Variants in GRIP1 observed in about 807,000 individuals in gnomAD.
GRIP1 encodes the protein glutamate receptor-interacting protein 1.
Under a neutral mutation model 129.9 loss-of-function variants are expected in GRIP1, and 45 were observed. The observed-to-expected ratio is 0.35, with a 90% confidence interval of 0.27 to 0.44. GRIP1 has a LOEUF of 0.44. GRIP1 is among the 20% of genes least tolerant of loss of function. The pLI is 1.00. For missense variants in GRIP1, 1,196 were observed against 1,396.8 expected, an observed-to-expected ratio of 0.86 and a Z score of 2.29; for synonymous variants, 530 against 520.8, an observed-to-expected ratio of 1.02 and a Z score of -0.24.
chr12:66,836,959 A>G (rs568103309), intron 1 of GRIP1, among the ~76,000 whole-genome samples: 44 of 152,300 alleles, frequency 2.9e-4, no homozygotes, highest in South Asian at 1.0e-3. Flanking sequence ...CCCTCTTCAA[A>G]GCTTGTCTTT....
chr12:66,483,424 T>G lies in GRIP1; in HGVS notation c.725-18002A>C, dbSNP rs943589811. On this transcript the variant is annotated intron_variant, in intron 7 of 24. Coordinates refer to ENST00000359742, the MANE Select transcript of GRIP1 (RefSeq NM_001366722.1). ...AATAAGCTTCGTCTTAAATCCTAAC[T>G]TTTCCCCAGGGAGTTAAAGGAGACA... Among the ~76,000 whole-genome samples, 3 of 152,208 alleles carry G rather than the reference T, an allele frequency of 2.0e-5. No individual in the cohort carries two copies. In the South Asian group the frequency reaches 6.2e-4, roughly 32 times the overall value.
At chr12:66,619,154 A>G (rs2065163364) in intron 1 of GRIP1, among the ~76,000 whole-genome samples, 1 of 152,164 alleles carries the variant, frequency 6.6e-6, no homozygotes, top group East Asian at 1.9e-4. Flanking sequence ...AAACTAGAAC[A>G]TATACATTAA....
intron 1 of GRIP1, among the ~76,000 whole-genome samples, chr12:66,862,879 C>T (rs1392656447): frequency 2.6e-5 from 4 of 151,982 alleles, no homozygotes; most frequent in Non-Finnish European, 5.9e-5. Context: ...CAATGTGCTG[C>T]AGTTTCAGGG....
At chr12:66,837,058 T>A (rs539634854) in intron 1 of GRIP1, among the ~76,000 whole-genome samples, 31 of 152,378 alleles carry the variant, frequency 2.0e-4, no homozygotes, top group Admixed American at 2.6e-4. Context: ...ATTTTCATTA[T>A]GCACTGAGTC....
chr12:66,531,007 C>T (rs888514046), intron 4 of GRIP1, among the ~76,000 whole-genome samples: 1 of 151,522 alleles, frequency 6.6e-6, no homozygotes, highest in Admixed American at 6.6e-5. Flanking sequence ...GATGCCAAGG[C>T]GGGTGGATCA....
chr12:66,800,686 G>A (rs374145913), intron 1 of GRIP1, among the ~76,000 whole-genome samples: 2 of 151,924 alleles, frequency 1.3e-5, no homozygotes, highest in African/African-American at 2.4e-5. Flanking sequence ...AGTATTTAGC[G>A]AAAAACAAAA....
upstream of GRIP1, among the ~76,000 whole-genome samples, chr12:66,804,982 T>C (rs2038960185): frequency 2.0e-5 from 3 of 152,150 alleles, no homozygotes; most frequent in Admixed American, 2.0e-4. Flanking sequence ...TTCCAATCAC[T>C]GTTTGATTTA....
chr12:67,025,681 A>G (rs1055346846), intron 1 of GRIP1, among the ~76,000 whole-genome samples: 1 of 152,082 alleles, frequency 6.6e-6, no homozygotes, highest in Non-Finnish European at 1.5e-5. Context: ...TTAACTCGCA[A>G]TTCCTACACC....
chr12:66,562,008 T>G (rs1013249168), intron 2 of GRIP1, among the ~76,000 whole-genome samples: 1 of 151,952 alleles, frequency 6.6e-6, no homozygotes, highest in Non-Finnish European at 1.5e-5. Context: ...GTGGGGGTGT[T>G]GAGGTGAGAG....
chr12:67,024,489 T>C (rs61918831), intron 1 of GRIP1, among the ~76,000 whole-genome samples: 43,866 of 152,018 alleles, frequency 0.29, 7,294 homozygotes, highest in Non-Finnish European at 0.37. Context: ...ATGTCTGAAA[T>C]AGGACTTACT....
intron 1 of GRIP1, among the ~76,000 whole-genome samples, chr12:66,889,724 T>G (rs1268656218): frequency 6.6e-6 from 1 of 152,216 alleles, no homozygotes; most frequent in African/African-American, 2.4e-5. Flanking sequence ...AAGGCTTAAA[T>G]GTGTAACACA....
At chr12:66,500,971 G>A (rs2060376454) in intron 7 of GRIP1, among the ~76,000 whole-genome samples, 1 of 152,158 alleles carries the variant, frequency 6.6e-6, no homozygotes, top group Admixed American at 6.5e-5. Context: ...TAAACCAGAG[G>A]GTCCTTACCA....
intron 1 of GRIP1, among the ~76,000 whole-genome samples, chr12:66,822,813 G>A (rs2039344185): frequency 6.6e-6 from 1 of 152,008 alleles, no homozygotes; most frequent in Admixed American, 6.6e-5. Context: ...GGTACACATG[G>A]ACATAAGGAT....
chr12:66,916,047 A>G (rs531971565), intron 1 of GRIP1, among the ~76,000 whole-genome samples: 2 of 152,308 alleles, frequency 1.3e-5, no homozygotes, highest in South Asian at 4.1e-4. Context: ...CACTCTGGGC[A>G]TGTGCATGCA....
chr12:66,381,883 C>T lies in GRIP1; in HGVS notation c.2465-2447G>A, dbSNP rs933235570. On this transcript the variant is annotated intron_variant, in intron 19 of 24. Transcript: ENST00000359742. ...CAAATCTCTGGGTGAAATGTAAAGT[C>T]AGAAAACCTGATCCCAGCTCTTCTC... Among the ~76,000 whole-genome samples the T allele has an allele frequency of 3.9e-5, 6 of 152,262 alleles. No homozygotes were observed. In the East Asian group the frequency reaches 9.7e-4, roughly 25 times the overall value.
intron 7 of GRIP1, among the ~76,000 whole-genome samples, chr12:66,509,350 TGAA>T (rs1391447108): frequency 5.9e-5 from 9 of 152,214 alleles, no homozygotes; most frequent in African/African-American, 1.9e-4. Context: ...ATCAGTCCTA[TGAA>T]GAAGTACTAC....
chr12:66,658,737 T>C (rs1226216890), intron 1 of GRIP1, among the ~76,000 whole-genome samples: 3 of 151,844 alleles, frequency 2.0e-5, no homozygotes, highest in African/African-American at 4.8e-5. Flanking sequence ...AGATCCTGTC[T>C]CTAAAAATAA....
Position 66,839,901 on chromosome 12 carries a change from G to A in GRIP1, c.58+229149C>T, listed in dbSNP as rs556424874. Among the ~76,000 whole-genome samples the A allele has an allele frequency of 7.9e-5, 12 of 152,186 alleles. No homozygotes were observed. In the South Asian group the frequency reaches 1.5e-3, roughly 18 times the overall value. On this transcript the variant is annotated intron_variant, in intron 1 of 1. Coordinates refer to the GRIP1 transcript ENST00000643019. Reference sequence around the variant, plus strand: ...CTCTGTACCAATCTCTCTTATCTCCGTATTGTCACCATTTATATTTGATAA... The same window carrying A: ...CTCTGTACCAATCTCTCTTATCTCCATATTGTCACCATTTATATTTGATAA...
At chr12:66,877,317 T>G (rs1020760506) in intron 1 of GRIP1, among the ~76,000 whole-genome samples, 7 of 152,096 alleles carry the variant, frequency 4.6e-5, no homozygotes, top group African/African-American at 1.4e-4. Flanking sequence ...TGTATTTCAG[T>G]CAGGGTGTTA....
Sources: gnomAD v4.1 joint callset for allele counts (sites outside exome capture counted in the v4.1 genomes callset) on GRCh38, gnomAD v4.1.1 for gene constraint, MANE v1.5 for transcripts, NCBI Gene and HGNC (gene_info 2026-07-23, HGNC 2026-07-21) for gene names.